Variants in CBLB observed in about 807,000 individuals in gnomAD.
The protein encoded by CBLB is E3 ubiquitin-protein ligase CBL-B.
CBLB carries 31 observed loss-of-function variants against 104.9 expected under a neutral mutation model. That is an observed-to-expected ratio of 0.30 (90% CI 0.22 to 0.40). CBLB has a LOEUF of 0.40. Ranked by LOEUF, CBLB falls within the 10% of genes least tolerant of loss-of-function variation. The probability of loss-of-function intolerance (pLI) is 1.00; values close to 1 mark genes in which losing one functional copy is unlikely to be tolerated. For missense variants in CBLB, 1,062 were observed against 1,214.6 expected, an observed-to-expected ratio of 0.87 and a Z score of 1.87; for synonymous variants, 440 against 422.6, an observed-to-expected ratio of 1.04 and a Z score of -0.51.
chr3:105,798,466 T>G (rs182525990), intron 3 of CBLB, among the ~76,000 whole-genome samples: 2 of 152,204 alleles, frequency 1.3e-5, no homozygotes, highest in Non-Finnish European at 2.9e-5. Context: ...ATCTAGAGAT[T>G]AGAAATGTTG....
chr3:105,757,643 T>A (rs2152923836), intron 4 of CBLB, among the ~76,000 whole-genome samples: 1 of 152,326 alleles, frequency 6.6e-6, no homozygotes, highest in South Asian at 2.1e-4. Flanking sequence ...ATTTAAATTT[T>A]AAAAAATATT....
chr3:105,811,805 G>A (rs909565118), intron 3 of CBLB, among the ~76,000 whole-genome samples: 22 of 152,046 alleles, frequency 1.4e-4, no homozygotes, highest in African/African-American at 4.3e-4. Context: ...CACCTCCCAG[G>A]TTCAAGTGAT....
chr3:105,731,303 T>C (rs1358239637), intron 9 of CBLB, among the ~76,000 whole-genome samples: 1 of 152,156 alleles, frequency 6.6e-6, no homozygotes, highest in Non-Finnish European at 1.5e-5. Context: ...ATTAATATTG[T>C]TAATTAGTTC....
intron 9 of CBLB, among the ~76,000 whole-genome samples, chr3:105,730,816 T>C (rs1438029782): frequency 6.6e-6 from 1 of 152,132 alleles, no homozygotes; most frequent in Non-Finnish European, 1.5e-5. Flanking sequence ...AATTTATTAT[T>C]TCAACCTTCT....
chr3:105,836,408 T>C (rs2153086872), intron 3 of CBLB, among the ~76,000 whole-genome samples: 1 of 152,304 alleles, frequency 6.6e-6, no homozygotes, highest in Non-Finnish European at 1.5e-5. Context: ...TTAAATTTAA[T>C]TGTGTAAGAA....
Position 105,695,098 on chromosome 3 carries a change from C to A in CBLB, c.1960-1510G>T, listed in dbSNP as rs189994446. The stretch of plus-strand genomic sequence containing the variant: ...CAGGAATAGACACAATGTAAGATAT[C>A]TGCAATCAAATTTCCTTAATTCATA... On this transcript the variant is annotated intron_variant, in intron 12 of 18. Coordinates refer to ENST00000394030, the MANE Select transcript of CBLB (RefSeq NM_170662.5). Among the ~76,000 whole-genome samples, 3 of 151,950 alleles carry A rather than the reference C, an allele frequency of 2.0e-5. No homozygotes were observed. In the East Asian group the frequency reaches 5.8e-4, roughly 29 times the overall value.
chr3:105,829,666 CAAAAAAA>C (rs71627689), intron 3 of CBLB, among the ~76,000 whole-genome samples: 13 of 47,010 alleles, frequency 2.8e-4, no homozygotes, highest in East Asian at 8.8e-4. Context: ...AAGACCGTCC[CAAAAAAA>C]AAAAAAAAAA....
chr3:105,769,458 G>T (rs147485075), intron 4 of CBLB, among the ~76,000 whole-genome samples: 1 of 152,194 alleles, frequency 6.6e-6, no homozygotes, highest in African/African-American at 2.4e-5. Flanking sequence ...ATGGGGGCAT[G>T]TCAGCAGTTC....
chr3:105,704,923 T>C (rs556663828), intron 10 of CBLB, among the ~76,000 whole-genome samples: 4 of 152,306 alleles, frequency 2.6e-5, no homozygotes, highest in Admixed American at 2.6e-4. Context: ...TGTGTTTGTG[T>C]GTGTGTGTCT....
At chr3:105,715,983 G>A (rs2071801851) in intron 10 of CBLB, among the ~76,000 whole-genome samples, 1 of 152,184 alleles carries the variant, frequency 6.6e-6, no homozygotes, top group Non-Finnish European at 1.5e-5. Flanking sequence ...AGGTTGCAGT[G>A]AACCAAGATA....
chr3:105,684,144 A>T (rs908626075), intron 14 of CBLB, among the ~76,000 whole-genome samples: 4 of 152,202 alleles, frequency 2.6e-5, no homozygotes, highest in Non-Finnish European at 5.9e-5. Context: ...TGACTGAAGT[A>T]ATTGCCATCT....
intron 4 of CBLB, among the ~76,000 whole-genome samples, chr3:105,769,174 C>T (rs1053667686): frequency 1.3e-5 from 2 of 151,984 alleles, no homozygotes; most frequent in African/African-American, 2.4e-5. Context: ...AAAACATTGC[C>T]GGGCGTGGTG....
chr3:105,702,666 T>G (rs1327521010), intron 11 of CBLB, among the ~76,000 whole-genome samples: 1 of 151,996 alleles, frequency 6.6e-6, no homozygotes, highest in Admixed American at 6.5e-5. Flanking sequence ...CATAAATACA[T>G]TTCATTAGGA....
intron 8 of CBLB, among the ~76,000 whole-genome samples, chr3:105,734,786 A>G (rs556118775): frequency 6.6e-6 from 1 of 152,228 alleles, no homozygotes; most frequent in African/African-American, 2.4e-5. Flanking sequence ...TAAAAAGTGC[A>G]TACGCTTTCC....
In CBLB at chr3:105,681,799, A is replaced by G. The variant is rs556087021; in HGVS notation, c.2221T>C (p.Cys741Arg). The change falls in exon 15 of 19, where the codon TGT (cysteine) becomes CGT (arginine). Residue 741 changes from cysteine to arginine, a missense_variant. This residue lies in a region of CBLB where 605 missense variants were observed against 582.6 expected (regional missense o/e 1.04). Transcript: ENST00000394030. ...PPVRSCDNGH[C>R]MLNGTHGPSS... ...GGACCATGTGTTCCATTCAGCATAC[A>G]GTGACCATTATCACAAGACCTAAAG... is the stretch of plus-strand genomic sequence containing the variant. The G allele has an allele frequency of 1.9e-6, 3 of 1,606,576 alleles. No homozygotes were observed. In the East Asian group the frequency reaches 6.7e-5, roughly 36 times the overall value.
At chr3:105,780,529 T>C (rs7638504) in intron 3 of CBLB, among the ~76,000 whole-genome samples, 26,171 of 152,100 alleles carry the variant, frequency 0.17, 2,632 homozygotes, top group Admixed American at 0.28. Context: ...GAATTTTCGA[T>C]ATCAGTTCTT....
At chr3:105,749,833 T>A in intron 5 of CBLB, 1 of 211,128 alleles carries the variant, frequency 4.7e-6, no homozygotes. Flanking sequence ...CTAAAATATA[T>A]CTTAAAATCT....
intron 13 of CBLB, among the ~76,000 whole-genome samples, chr3:105,686,456 A>C (rs1001263470): frequency 6.6e-6 from 1 of 151,930 alleles, no homozygotes; most frequent in Non-Finnish European, 1.5e-5. Context: ...GGAAGGAAAA[A>C]AAAAAAACAA....
At chr3:105,690,679 G>A (rs957846911) in intron 13 of CBLB, among the ~76,000 whole-genome samples, 13 of 151,956 alleles carry the variant, frequency 8.6e-5, no homozygotes, top group Non-Finnish European at 1.2e-4. Context: ...AAAATTAGCC[G>A]GGCATAGTGG....
Sources: allele counts gnomAD v4.1 joint callset (sites outside exome capture counted in the v4.1 genomes callset), GRCh38; gene constraint gnomAD v4.1.1; regional missense constraint gnomAD v4.1.1; transcripts MANE v1.5; gene names NCBI Gene and HGNC (gene_info 2026-07-23, HGNC 2026-07-21).